Variants in RBFOX1 observed in about 807,000 individuals in gnomAD.
The protein encoded by RBFOX1 is RNA binding fox-1 homolog 1.
Under a neutral mutation model 57.7 loss-of-function variants are expected in RBFOX1, and 8 were observed. That is an observed-to-expected ratio of 0.14 (90% CI 0.08 to 0.25). The LOEUF (loss-of-function observed/expected upper bound fraction) is 0.25. Among genes scored for constraint, RBFOX1 ranks in the 10% least tolerant of loss-of-function variants. The pLI, the probability that RBFOX1 is intolerant of heterozygous loss-of-function variation, is 1.00. For synonymous variants in RBFOX1, 326 were observed against 222.4 expected (o/e 1.47, Z -4.15); for missense variants, 611 against 548.5 (o/e 1.11, Z -1.14).
At chr16:7,262,399 C>G (rs957816377) in intron 4 of RBFOX1, among the ~76,000 whole-genome samples, 1 of 151,816 alleles carries the variant, frequency 6.6e-6, no homozygotes, top group Non-Finnish European at 1.5e-5. Flanking sequence ...TGTACCATTT[C>G]TGGAAAATAC....
intron 3 of RBFOX1, among the ~76,000 whole-genome samples, chr16:5,759,899 C>A (rs973866845): frequency 2.6e-5 from 4 of 152,132 alleles, no homozygotes; most frequent in Non-Finnish European, 4.4e-5. Flanking sequence ...CAACCACCTG[C>A]AGTTTTACTG....
intron 3 of RBFOX1, among the ~76,000 whole-genome samples, chr16:5,717,779 C>T (rs911360788): frequency 6.6e-6 from 1 of 152,222 alleles, no homozygotes; most frequent in Non-Finnish European, 1.5e-5. Flanking sequence ...AGATTTGGTA[C>T]TATTCGGAGG....
chr16:6,642,809 C>T (rs1374156534), intron 2 of RBFOX1, among the ~76,000 whole-genome samples: 3 of 152,076 alleles, frequency 2.0e-5, no homozygotes, highest in South Asian at 2.1e-4. Context: ...TCCCCTTAGG[C>T]CCCCTGAAGA....
chr16:7,659,146 T>G (rs1326953050), intron 12 of RBFOX1, among the ~76,000 whole-genome samples: 1 of 152,244 alleles, frequency 6.6e-6, no homozygotes, highest in African/African-American at 2.4e-5. Context: ...CATACATCTG[T>G]GTAAACTTCC....
intron 2 of RBFOX1, among the ~76,000 whole-genome samples, chr16:5,476,767 C>T (rs192527288): frequency 3.6e-3 from 552 of 152,254 alleles, no homozygotes; most frequent in Non-Finnish European, 6.0e-3. Context: ...TTGTGCAGAC[C>T]CTGCCTTTAA....
At chr16:7,440,266 G>C (rs981508540) in intron 4 of RBFOX1, among the ~76,000 whole-genome samples, 16 of 152,150 alleles carry the variant, frequency 1.1e-4, no homozygotes, top group African/African-American at 3.9e-4. Context: ...ACAGCAGAGA[G>C]TTTGTTATCC....
At chr16:5,357,789 TTC>T (rs2065433408) in intron 1 of RBFOX1, among the ~76,000 whole-genome samples, 1 of 152,142 alleles carries the variant, frequency 6.6e-6, no homozygotes, top group African/African-American at 2.4e-5. Context: ...CACAGGGAAT[TTC>T]TGTTTCTTAC....
chr16:6,036,490 C>T (rs1014453509), intron 1 of RBFOX1, among the ~76,000 whole-genome samples: 1 of 151,862 alleles, frequency 6.6e-6, no homozygotes, highest in African/African-American at 2.4e-5. Context: ...ACTTGATGAA[C>T]CTATATGCAA....
At chr16:6,383,641 G>C (rs1217632221) in intron 2 of RBFOX1, among the ~76,000 whole-genome samples, 1 of 152,158 alleles carries the variant, frequency 6.6e-6, no homozygotes, top group South Asian at 2.1e-4. Flanking sequence ...CGTATGGTGT[G>C]TGCCTATAAT....
intron 4 of RBFOX1, among the ~76,000 whole-genome samples, chr16:7,189,779 C>T (rs1328668561): frequency 1.3e-5 from 2 of 152,334 alleles, no homozygotes; most frequent in Non-Finnish European, 2.9e-5. Context: ...ATAACTTTCC[C>T]TATGCATCCA....
chr16:7,317,317 C>T (rs1300285267), intron 4 of RBFOX1, among the ~76,000 whole-genome samples: 1 of 152,128 alleles, frequency 6.6e-6, no homozygotes, highest in Non-Finnish European at 1.5e-5. Flanking sequence ...AGTCAGGTGG[C>T]ACTGACCTGG....
chr16:5,411,511 C>T (rs1163049111), intron 1 of RBFOX1, among the ~76,000 whole-genome samples: 1 of 152,178 alleles, frequency 6.6e-6, no homozygotes, highest in African/African-American at 2.4e-5. Context: ...GCCAGTGAGT[C>T]TTATTTTTAA....
chr16:6,869,017 G>T (rs1187397409), intron 3 of RBFOX1, among the ~76,000 whole-genome samples: 1 of 152,158 alleles, frequency 6.6e-6, no homozygotes, highest in South Asian at 2.1e-4. Flanking sequence ...AAAAACAAAA[G>T]TTCCAGCCAA....
chr16:5,494,109 G>C (rs2042923643), intron 2 of RBFOX1, among the ~76,000 whole-genome samples: 1 of 152,166 alleles, frequency 6.6e-6, no homozygotes, highest in African/African-American at 2.4e-5. Flanking sequence ...TTACTCACGT[G>C]CTTTGCTGTC....
intron 2 of RBFOX1, among the ~76,000 whole-genome samples, chr16:5,587,287 C>T (rs548797855): frequency 6.6e-6 from 1 of 152,264 alleles, no homozygotes; most frequent in African/African-American, 2.4e-5. Flanking sequence ...ATAGACATTC[C>T]TCCAAAGAAG....
intron 3 of RBFOX1, chr16:5,867,287 T>C (rs150529622): frequency 8.4e-7 from 1 of 1,192,286 alleles, no homozygotes; most frequent in Non-Finnish European, 1.1e-6. Flanking sequence ...AATGTCTTTT[T>C]TTGTTTAACT....
At chr16:6,176,615 G>T (rs1248496926) in intron 1 of RBFOX1, among the ~76,000 whole-genome samples, 1 of 151,966 alleles carries the variant, frequency 6.6e-6, no homozygotes, top group Non-Finnish European at 1.5e-5. Flanking sequence ...TGGTAAGGGT[G>T]CAGTAAATGT....
chr16:6,657,747 C>A (rs566832485), intron 3 of RBFOX1, among the ~76,000 whole-genome samples: 1 of 152,262 alleles, frequency 6.6e-6, no homozygotes, highest in African/African-American at 2.4e-5. Flanking sequence ...TCTGAAGCGG[C>A]AGCCTCTTGG....
At chr16:7,100,069 T>C (rs1292178805) in intron 4 of RBFOX1, among the ~76,000 whole-genome samples, 1 of 151,452 alleles carries the variant, frequency 6.6e-6, no homozygotes, top group Non-Finnish European at 1.5e-5. Flanking sequence ...GGGGTGAGGG[T>C]GGTCACCTTC....
Sources: allele counts gnomAD v4.1 joint callset (sites outside exome capture counted in the v4.1 genomes callset), GRCh38; gene constraint gnomAD v4.1.1; transcripts MANE v1.5; gene names NCBI Gene and HGNC (gene_info 2026-07-23, HGNC 2026-07-21).